PCDH15: variants seen among roughly 807,000 people sequenced by gnomAD.
PCDH15 encodes the protein protocadherin related 15.
A neutral mutation model predicts 178.5 loss-of-function variants in PCDH15; 129 were observed. That is an observed-to-expected ratio of 0.72 (90% CI 0.63 to 0.84). The LOEUF is 0.84. PCDH15 is among the 40% of genes least tolerant of loss of function. The pLI, the probability that PCDH15 is intolerant of heterozygous loss-of-function variation, is 0.00. For missense variants in PCDH15, 2,230 were observed against 2,099.9 expected, an observed-to-expected ratio of 1.06 and a Z score of -1.21; for synonymous variants, 800 against 732.0, an observed-to-expected ratio of 1.09 and a Z score of -1.50.
chr10:55,602,802 A>G (rs1246880980), intron 2 of PCDH15, among the ~76,000 whole-genome samples: 2 of 152,334 alleles, frequency 1.3e-5, no homozygotes, highest in East Asian at 3.9e-4. Context: ...ACAGAACAGA[A>G]ATACTGGAAA....
intron 1 of PCDH15, among the ~76,000 whole-genome samples, chr10:54,796,728 T>A (rs1262938945): frequency 2.0e-5 from 3 of 151,964 alleles, no homozygotes; most frequent in Non-Finnish European, 4.4e-5. Context: ...TATCCCTGTA[T>A]CTCTCTTTGA....
intron 2 of PCDH15, among the ~76,000 whole-genome samples, chr10:55,368,523 G>A (rs1182050356): frequency 6.6e-6 from 1 of 152,054 alleles, no homozygotes; most frequent in Non-Finnish European, 1.5e-5. Context: ...TCTATCTGTA[G>A]AACAACTATC....
chr10:53,931,771 C>A (rs1299294070), intron 25 of PCDH15, among the ~76,000 whole-genome samples: 1 of 152,058 alleles, frequency 6.6e-6, no homozygotes, highest in African/African-American at 2.4e-5. Flanking sequence ...AAAAATGATT[C>A]TCTAGTTCAA....
intron 2 of PCDH15, among the ~76,000 whole-genome samples, chr10:55,538,400 TCCTTCCTTCCTTCCTCCCTCCCTC>T (rs1564441780): frequency 1.5e-5 from 1 of 68,944 alleles, no homozygotes; most frequent in Non-Finnish European, 2.9e-5. Flanking sequence ...CTTCCTTTCT[TCCTTCCTTCCTTCCTCCCTCCCTC>T]CCTTCCTTCC....
At chr10:54,578,854 C>T (rs913408354) in intron 2 of PCDH15, among the ~76,000 whole-genome samples, 5 of 152,102 alleles carry the variant, frequency 3.3e-5, no homozygotes, top group Non-Finnish European at 7.4e-5. Context: ...ATTTTCAACA[C>T]TCTAAAAGAA....
chr10:55,501,085 T>C (rs1164468344), intron 2 of PCDH15, among the ~76,000 whole-genome samples: 1 of 151,676 alleles, frequency 6.6e-6, no homozygotes, highest in Non-Finnish European at 1.5e-5. Context: ...TGGGCCCTGA[T>C]CAAATATAAC....
chr10:54,877,626 A>G (rs1332401247), intron 3 of PCDH15, among the ~76,000 whole-genome samples: 1 of 152,180 alleles, frequency 6.6e-6, no homozygotes, highest in Non-Finnish European at 1.5e-5. Flanking sequence ...ATGAGCATAT[A>G]TGCACATACA....
chr10:55,006,999 T>C (rs961995826), intron 2 of PCDH15, among the ~76,000 whole-genome samples: 1 of 152,120 alleles, frequency 6.6e-6, no homozygotes, highest in African/African-American at 2.4e-5. Context: ...TGTAAAACTG[T>C]TTAGCACCTC....
chr10:55,003,244 T>C (rs962953472), intron 2 of PCDH15, among the ~76,000 whole-genome samples: 18 of 152,336 alleles, frequency 1.2e-4, no homozygotes, highest in Non-Finnish European at 2.2e-4. Flanking sequence ...GGCTTGCTTC[T>C]TCCAGGGAGT....
intron 24 of PCDH15, 133 bp downstream of exon 24, chr10:53,940,733 A>G: frequency 2.8e-6 from 2 of 722,660 alleles, no homozygotes; most frequent in South Asian, 1.6e-5. Context: ...TACATGGTTA[A>G]CAATTACATT....
chr10:53,858,538 A>C (rs1418835898), intron 27 of PCDH15, among the ~76,000 whole-genome samples: 1 of 152,182 alleles, frequency 6.6e-6, no homozygotes, highest in Non-Finnish European at 1.5e-5. Context: ...TCAGGAAAAA[A>C]AGAAATCCAA....
At chr10:53,815,007 A>C (rs1277028578) in intron 35 of PCDH15, among the ~76,000 whole-genome samples, 2 of 151,570 alleles carry the variant, frequency 1.3e-5, no homozygotes, top group African/African-American at 4.8e-5. Flanking sequence ...CTGACCAGTC[A>C]GATCCATGAG....
chr10:54,253,014 G>T (rs571106719), intron 8 of PCDH15, among the ~76,000 whole-genome samples: 1 of 152,066 alleles, frequency 6.6e-6, no homozygotes, highest in African/African-American at 2.4e-5. Flanking sequence ...GGTATTGATT[G>T]AATTATGGGA....
At chr10:54,401,966 C>T (rs972777633) in intron 3 of PCDH15, among the ~76,000 whole-genome samples, 1 of 151,710 alleles carries the variant, frequency 6.6e-6, no homozygotes, top group Non-Finnish European at 1.5e-5. Context: ...ACATGAATAT[C>T]CTCATTAACA....
chr10:54,429,341 CAA>C (rs1359097730), intron 3 of PCDH15, among the ~76,000 whole-genome samples: 1 of 151,284 alleles, frequency 6.6e-6, no homozygotes, highest in East Asian at 1.9e-4. Flanking sequence ...AGCAGATACA[CAA>C]AAAAAGGAAA....
At chr10:55,220,956 C>T (rs1009644731) in intron 1 of PCDH15, among the ~76,000 whole-genome samples, 8 of 151,888 alleles carry the variant, frequency 5.3e-5, no homozygotes, top group African/African-American at 1.7e-4. Context: ...CCATCTGGTA[C>T]GTTCAAGATG....
At chr10:55,341,768 T>TATATAC (rs1844565719) in intron 2 of PCDH15, among the ~76,000 whole-genome samples, 2 of 14,176 alleles carry the variant, frequency 1.4e-4, no homozygotes, top group Non-Finnish European at 2.9e-4. Flanking sequence ...TATGCATATA[T>TATATAC]ATATATATAT....
At chr10:54,099,229 A>C (rs574337351) in intron 15 of PCDH15, among the ~76,000 whole-genome samples, 2 of 152,238 alleles carry the variant, frequency 1.3e-5, no homozygotes, top group Admixed American at 6.5e-5. Context: ...GGCTGGGCGC[A>C]GTGGCTCACG....
chr10:55,185,566 C>A (rs1591973914), intron 1 of PCDH15, among the ~76,000 whole-genome samples: 1 of 151,470 alleles, frequency 6.6e-6, no homozygotes, highest in Non-Finnish European at 1.5e-5. Flanking sequence ...AGGAGTTGAG[C>A]AAGTTAAAAA....
Sources: allele counts gnomAD v4.1 joint callset (sites outside exome capture counted in the v4.1 genomes callset), GRCh38; gene constraint gnomAD v4.1.1; transcripts MANE v1.5; gene names NCBI Gene and HGNC (gene_info 2026-07-23, HGNC 2026-07-21).